Variants in FDFT1 observed in about 807,000 individuals in gnomAD.
FDFT1 encodes farnesyl-diphosphate farnesyltransferase 1.
In FDFT1, 68 loss-of-function variants were observed where a neutral mutation model predicts 46.8. The ratio of observed to expected loss-of-function variants is 1.45; its 90% CI spans 1.19 to 1.78. The LOEUF (loss-of-function observed/expected upper bound fraction) is 1.78, where lower values mean the gene tolerates loss of function less well. Among genes scored for constraint, FDFT1 ranks in the 40% most tolerant of loss-of-function variants. The pLI is 0.00. For synonymous variants in FDFT1, 351 were observed against 185.1 expected, an observed-to-expected ratio of 1.90 and a Z score of -7.28; for missense variants, 928 against 524.4, an observed-to-expected ratio of 1.77 and a Z score of -7.52.
Position 11,821,738 on chromosome 8 carries a change from T to C in FDFT1, c.382-12T>C, listed in dbSNP as rs774961844. 1 of 1,612,530 alleles carries C rather than the reference T, an allele frequency of 6.2e-7. No homozygotes were observed. Among genetic ancestry groups the C allele is most frequent in the South Asian group, 1.1e-5 (1 of 90,964 alleles). On this transcript the variant is annotated splice_polypyrimidine_tract_variant and intron_variant, in intron 3 of 7. Coordinates refer to ENST00000220584, the MANE Select transcript of FDFT1 (RefSeq NM_004462.5). ...TTTCATGATTTCTGTGTTTTTACGG[T>C]TTCCATTTCAGATCTCCCTTGAGTT...
At chr8:11,827,604 C>A (rs768858461) in intron 5 of FDFT1, among the ~76,000 whole-genome samples, 3 of 151,784 alleles carry the variant, frequency 2.0e-5, no homozygotes, top group Non-Finnish European at 4.4e-5. Context: ...AAAAAAACTT[C>A]TAAAAGTTAA....
chr8:11,831,806 T>A, intron 7 of FDFT1, 136 bp downstream of exon 7: 1 of 763,126 alleles, frequency 1.3e-6, no homozygotes, highest in Non-Finnish European at 2.2e-6. Context: ...GGAATTGATA[T>A]CCTTTATAAG....
intron 1 of FDFT1, chr8:11,803,624 G>T (rs1806428640): frequency 1.9e-6 from 1 of 518,980 alleles, no homozygotes; most frequent in Non-Finnish European, 2.8e-6. Context: ...TTATTCGTAC[G>T]CGATTATTGA....
At chr8:11,809,442 A>G in intron 2 of FDFT1, 1 of 1,273,906 alleles carries the variant, frequency 7.8e-7, no homozygotes, top group Non-Finnish European at 9.9e-7. Context: ...TAGTGGTGAC[A>G]TTCAACTAGT....
chr8:11,798,476 G>A (rs1354288968), upstream of FDFT1, among the ~76,000 whole-genome samples: 1 of 152,200 alleles, frequency 6.6e-6, no homozygotes, highest in Non-Finnish European at 1.5e-5. Context: ...GCAGAGAGGA[G>A]AGATTAAAAT....
At position 11,808,762 on chromosome 8, in the gene FDFT1, C is replaced by T. The variant is rs769493897; in HGVS notation, c.100-32C>T. ...CACTCCCACTCCTGCTCCTCGACGT[C>T]TCCCACCGCCGTGTGTGTTGTCTGC... On this transcript the variant is annotated intron_variant, in intron 1 of 7. Transcript: ENST00000220584. The T allele has an allele frequency of 5.7e-6, 9 of 1,592,088 alleles. No homozygotes were observed. The South Asian group carries it at 9.0e-5, about 16-fold the overall frequency.
chr8:11,800,564 G>C (rs919508292), upstream of FDFT1, among the ~76,000 whole-genome samples: 1 of 152,208 alleles, frequency 6.6e-6, no homozygotes, highest in Non-Finnish European at 1.5e-5. Context: ...TTGTGGAATG[G>C]TGACAAAGGT....
intron 5 of FDFT1, among the ~76,000 whole-genome samples, chr8:11,828,613 A>T (rs1252732345): frequency 6.6e-6 from 1 of 152,270 alleles, no homozygotes; most frequent in African/African-American, 2.4e-5. Context: ...CACACACAGG[A>T]GCAGAGCCCT....
chr8:11,835,339 C>T (rs1020563607), intron 7 of FDFT1, among the ~76,000 whole-genome samples: 5 of 152,136 alleles, frequency 3.3e-5, no homozygotes, highest in African/African-American at 9.7e-5. Flanking sequence ...GTCCCTTTGG[C>T]CTTACCGGCT....
upstream of FDFT1, chr8:11,802,434 A>C: frequency 2.2e-6 from 1 of 459,616 alleles, no homozygotes; most frequent in Non-Finnish European, 4.4e-6. Context: ...CAGTCCCCAC[A>C]GCGTTCGCGC....
intron 2 of FDFT1, 144 bp from the exon 3 acceptor site, chr8:11,809,523 A>G (rs747448304): frequency 7.7e-7 from 1 of 1,306,904 alleles, no homozygotes; most frequent in Non-Finnish European, 9.9e-7. Context: ...ACTTTCGTTA[A>G]GTATGAAAAG....
intron 3 of FDFT1, among the ~76,000 whole-genome samples, chr8:11,811,582 T>G (rs895231544): frequency 8.5e-5 from 13 of 152,230 alleles, no homozygotes. Flanking sequence ...TTCAGTGTCT[T>G]CCTGTGTTCA....
At chr8:11,802,680 G>A (rs1301604117), upstream of FDFT1, 4 of 648,590 alleles carry the variant, frequency 6.2e-6, no homozygotes, top group Admixed American at 2.7e-5. Flanking sequence ...CGGTTGAAGT[G>A]GGCGGAGCGG....
chr8:11,834,689 G>A (rs904777658), intron 7 of FDFT1, among the ~76,000 whole-genome samples: 1 of 152,196 alleles, frequency 6.6e-6, no homozygotes, highest in Non-Finnish European at 1.5e-5. Flanking sequence ...TGATGATCAA[G>A]CTGATTCCAT....
Position 11,808,847 on chromosome 8 carries a change from T to G in FDFT1, c.153T>G (p.Ser51Arg). Reference protein sequence around the residue: ...KTCYKYLNQTSRSFAAVIQAL... With the variant: ...KTCYKYLNQTRRSFAAVIQAL... ...GCTACAAGTATCTCAATCAGACCAG[T>G]CGCAGTTTCGCAGCTGTTATCCAGG... Residue 51 changes from serine (S) to arginine (R), a missense_variant, in exon 2 of 8, where the codon AGT becomes AGG. By Grantham distance (110) the Ser-to-Arg change is moderately radical (BLOSUM62 -1). Coordinates refer to ENST00000220584, the MANE Select transcript of FDFT1 (RefSeq NM_004462.5). 1.2e-6 allele frequency: 2 copies of G among 1,614,046 alleles called. No individual in the cohort carries two copies. Among genetic ancestry groups the G allele is most frequent in the Non-Finnish European group, 1.7e-6 (2 of 1,179,980 alleles).
At chr8:11,820,776 G>A (rs558830846) in intron 3 of FDFT1, among the ~76,000 whole-genome samples, 9 of 152,288 alleles carry the variant, frequency 5.9e-5, no homozygotes, top group African/African-American at 1.2e-4. Flanking sequence ...AGTCACTCAC[G>A]CCTTTCCTTG....
chr8:11,813,086 G>A (rs1371736386), intron 3 of FDFT1, among the ~76,000 whole-genome samples: 1 of 152,188 alleles, frequency 6.6e-6, no homozygotes, highest in African/African-American at 2.4e-5. Flanking sequence ...AATACTGTAG[G>A]CAATTGGAGC....
chr8:11,799,981 A>G (rs1041786757), upstream of FDFT1, among the ~76,000 whole-genome samples: 7 of 150,064 alleles, frequency 4.7e-5, no homozygotes, highest in African/African-American at 1.7e-4. Context: ...TAGCACTCGA[A>G]GGCTGGGCGC....
At chr8:11,807,660 T>C (rs954780293) in intron 1 of FDFT1, among the ~76,000 whole-genome samples, 1 of 152,230 alleles carries the variant, frequency 6.6e-6, no homozygotes, top group Non-Finnish European at 1.5e-5. Context: ...AAAATCAGGC[T>C]TTTTCTCCCT....
Sources: allele counts gnomAD v4.1 joint callset (sites outside exome capture counted in the v4.1 genomes callset), GRCh38; gene constraint gnomAD v4.1.1; transcripts MANE v1.5; gene names NCBI Gene and HGNC (gene_info 2026-07-23, HGNC 2026-07-21).